Variants in SDHAF3 observed in about 807,000 individuals in gnomAD.
The protein encoded by SDHAF3 is succinate dehydrogenase complex assembly factor 3.
A neutral mutation model predicts 11.5 loss-of-function variants in SDHAF3; 18 were observed. The observed-to-expected ratio is 1.56, with a 90% CI of 1.08 to 2.32. The LOEUF (loss-of-function observed/expected upper bound fraction) is 2.32, where lower values mean the gene tolerates loss of function less well. Ranked by LOEUF, SDHAF3 falls within the 30% of genes most tolerant of loss-of-function variation. The probability of loss-of-function intolerance (pLI) is 0.00; values close to 1 mark genes in which losing one functional copy is unlikely to be tolerated. For missense variants in SDHAF3, 200 were observed against 154.4 expected (o/e 1.30, Z -1.57); for synonymous variants, 72 against 59.3 (o/e 1.21, Z -0.99).
chr7:97,125,359 A>C (rs777269410), intron 1 of SDHAF3, among the ~76,000 whole-genome samples: 14 of 152,114 alleles, frequency 9.2e-5, no homozygotes, highest in Non-Finnish European at 7.4e-5. Context: ...TGATGTGGGC[A>C]TTTAGTGCTA....
At chr7:97,162,657 C>G (rs1306872155) in intron 1 of SDHAF3, among the ~76,000 whole-genome samples, 2 of 152,138 alleles carry the variant, frequency 1.3e-5, no homozygotes, top group East Asian at 3.8e-4. Flanking sequence ...ACCCAGTAGT[C>G]ATTCAGGAGC....
intron 1 of SDHAF3, among the ~76,000 whole-genome samples, chr7:97,121,570 C>G (rs528154074): frequency 6.6e-6 from 1 of 152,138 alleles, no homozygotes; most frequent in Non-Finnish European, 1.5e-5. Flanking sequence ...AGACAATGTG[C>G]TAGGCATTTA....
At chr7:97,166,945 C>G (rs1457028143) in intron 1 of SDHAF3, among the ~76,000 whole-genome samples, 1 of 152,136 alleles carries the variant, frequency 6.6e-6, no homozygotes, top group African/African-American at 2.4e-5. Flanking sequence ...TGTACTTTTT[C>G]CACTATAGTG....
At chr7:97,131,307 C>T (rs1206790105) in intron 1 of SDHAF3, among the ~76,000 whole-genome samples, 1 of 152,170 alleles carries the variant, frequency 6.6e-6, no homozygotes, top group East Asian at 1.9e-4. Context: ...TTATCTTCTA[C>T]ACTTCTAGCA....
intron 1 of SDHAF3, among the ~76,000 whole-genome samples, chr7:97,133,503 C>T (rs1443915049): frequency 6.6e-6 from 1 of 152,168 alleles, no homozygotes; most frequent in Non-Finnish European, 1.5e-5. Flanking sequence ...GGTCCTACAG[C>T]TTCGTTGCCC....
chr7:97,127,689 A>C (rs1791595344), intron 1 of SDHAF3, among the ~76,000 whole-genome samples: 1 of 151,946 alleles, frequency 6.6e-6, no homozygotes, highest in Non-Finnish European at 1.5e-5. Context: ...GAACATCTTG[A>C]TTTATAGTTT....
At chr7:97,123,787 T>C (rs543462794) in intron 1 of SDHAF3, among the ~76,000 whole-genome samples, 1 of 134,176 alleles carries the variant, frequency 7.5e-6, no homozygotes, top group African/African-American at 2.6e-5. Flanking sequence ...TGCATAAATG[T>C]CTTTTTTTTT....
chr7:97,133,291 G>A (rs1230853120), intron 1 of SDHAF3, among the ~76,000 whole-genome samples: 1 of 152,142 alleles, frequency 6.6e-6, no homozygotes, highest in African/African-American at 2.4e-5. Context: ...AGTTCTGAAA[G>A]AGCTTTTGTT....
chr7:97,127,897 G>GGT (rs1791599707), intron 1 of SDHAF3, among the ~76,000 whole-genome samples: 1 of 106,264 alleles, frequency 9.4e-6, no homozygotes, highest in Non-Finnish European at 1.8e-5. Context: ...TCTACATCAA[G>GGT]TTTTTTTTTT....
Position 97,181,106 on chromosome 7 carries a change from T to A in SDHAF3, c.269T>A (p.Leu90His), listed in dbSNP as rs1209765494. The A allele has an allele frequency of 6.2e-7, 1 of 1,614,040 alleles. No homozygotes were observed. The highest frequency in any genetic ancestry group is 8.5e-7 in the Non-Finnish European group (1 of 1,179,950). ...CFGTFLPEEK[L>H]NDFRDEQIGQ... ...GGCACCTTCCTCCCAGAAGAAAAAC[T>A]TAATGACTTTCGTGATGAACAAATT... Residue 90 changes from leucine (L) to histidine (H), a missense_variant, in exon 2 of 2, where the codon CTT (leucine) becomes CAT (histidine). By Grantham distance (99) the Leu-to-His change is moderately conservative. Coordinates refer to ENST00000432641, the MANE Select transcript of SDHAF3 (RefSeq NM_020186.3).
At chr7:97,127,812 T>A (rs1791597481) in intron 1 of SDHAF3, among the ~76,000 whole-genome samples, 1 of 152,122 alleles carries the variant, frequency 6.6e-6, no homozygotes, top group Non-Finnish European at 1.5e-5. Context: ...GTCAAATTGT[T>A]AATTCTGCAT....
At chr7:97,176,576 C>G (rs1789682082) in intron 1 of SDHAF3, among the ~76,000 whole-genome samples, 1 of 152,082 alleles carries the variant, frequency 6.6e-6, no homozygotes, top group Non-Finnish European at 1.5e-5. Flanking sequence ...CCATTTTTCT[C>G]TCTTGCCAGG....
intron 1 of SDHAF3, among the ~76,000 whole-genome samples, chr7:97,120,466 T>C (rs1345853187): frequency 1.3e-5 from 2 of 152,018 alleles, no homozygotes; most frequent in African/African-American, 4.8e-5. Context: ...CAGAGAGTAA[T>C]ATACTTAAGA....
At chr7:97,160,871 A>T (rs570651582) in intron 1 of SDHAF3, among the ~76,000 whole-genome samples, 3 of 152,012 alleles carry the variant, frequency 2.0e-5, no homozygotes, top group Admixed American at 2.0e-4. Context: ...TAGGAAAATT[A>T]TTTTTTGGAA....
chr7:97,127,404 A>G (rs1199830947), intron 1 of SDHAF3, among the ~76,000 whole-genome samples: 2 of 151,976 alleles, frequency 1.3e-5, no homozygotes, highest in Non-Finnish European at 2.9e-5. Context: ...TTTCTTTCCC[A>G]TTTTATTTTG....
intron 1 of SDHAF3, among the ~76,000 whole-genome samples, chr7:97,164,384 T>C (rs1321122158): frequency 8.3e-6 from 1 of 121,190 alleles, no homozygotes; most frequent in Admixed American, 8.1e-5. Flanking sequence ...TCATAGTTCT[T>C]TTTTTTTTTT....
intron 1 of SDHAF3, among the ~76,000 whole-genome samples, chr7:97,152,993 A>G (rs1181772448): frequency 6.6e-6 from 1 of 152,200 alleles, no homozygotes; most frequent in African/African-American, 2.4e-5. Flanking sequence ...TTTGTGGCAA[A>G]TTTGTTAGTT....
At chr7:97,164,658 AGCCAGCGT>A (rs1336588141) in intron 1 of SDHAF3, among the ~76,000 whole-genome samples, 4 of 152,060 alleles carry the variant, frequency 2.6e-5, no homozygotes, top group Non-Finnish European at 5.9e-5. Context: ...TACAGGTGTG[AGCCAGCGT>A]GCCTTTCCGG....
At chr7:97,138,491 C>T (rs1470677330) in intron 1 of SDHAF3, among the ~76,000 whole-genome samples, 1 of 152,114 alleles carries the variant, frequency 6.6e-6, no homozygotes, top group Non-Finnish European at 1.5e-5. Context: ...ATCATTTTAT[C>T]TTTGAGTTTA....
Sources: gnomAD v4.1 joint callset for allele counts (sites outside exome capture counted in the v4.1 genomes callset) on GRCh38, gnomAD v4.1.1 for gene constraint, MANE v1.5 for transcripts, NCBI Gene and HGNC (gene_info 2026-07-23, HGNC 2026-07-21) for gene names.